Variants in TYW1B observed in about 807,000 individuals in gnomAD.
TYW1B encodes tRNA-yW synthesizing protein 1 homolog B.
TYW1B carries 73 observed loss-of-function variants against 86.9 expected under a neutral mutation model. That is an observed-to-expected ratio of 0.84 (90% CI 0.70 to 1.02). TYW1B has a LOEUF of 1.02. Among genes scored for constraint, TYW1B ranks in the 50% least tolerant of loss-of-function variants. TYW1B has a pLI of 0.00. For missense variants in TYW1B, 637 were observed against 827.4 expected (o/e 0.77, Z 2.82); for synonymous variants, 248 against 292.8 (o/e 0.85, Z 1.56).
intron 12 of TYW1B, among the ~76,000 whole-genome samples, chr7:72,623,643 C>T (rs1467091781): frequency 1.3e-5 from 2 of 152,120 alleles, no homozygotes; most frequent in South Asian, 2.1e-4. Context: ...GTCTCCCTTA[C>T]AGCCCTGACA....
chr7:72,643,478 T>C (rs1283150251), intron 11 of TYW1B, among the ~76,000 whole-genome samples: 2 of 151,886 alleles, frequency 1.3e-5, no homozygotes, highest in Non-Finnish European at 2.9e-5. Flanking sequence ...TCCCAGCTAC[T>C]CGGGAGGCTG....
At chr7:72,754,490 G>A (rs919371076) in intron 7 of TYW1B, among the ~76,000 whole-genome samples, 6 of 151,902 alleles carry the variant, frequency 3.9e-5, no homozygotes, top group African/African-American at 1.5e-4. Flanking sequence ...AGGCTGGAAT[G>A]CAGTGATGCA....
intron 2 of TYW1B, among the ~76,000 whole-genome samples, chr7:72,821,680 T>C (rs1481148339): frequency 6.6e-6 from 1 of 152,148 alleles, no homozygotes; most frequent in Non-Finnish European, 1.5e-5. Flanking sequence ...ACTGAATCTA[T>C]TCTTAAAGTA....
chr7:72,758,056 A>G (rs1554466541), intron 7 of TYW1B, among the ~76,000 whole-genome samples: 2 of 152,140 alleles, frequency 1.3e-5, no homozygotes, highest in African/African-American at 4.8e-5. Context: ...CATCTCTACT[A>G]AAAATACAAA....
At chr7:72,701,076 A>T (rs1233820328) in intron 10 of TYW1B, among the ~76,000 whole-genome samples, 2 of 152,026 alleles carry the variant, frequency 1.3e-5, no homozygotes, top group African/African-American at 4.8e-5. Flanking sequence ...AAAAAAAAAA[A>T]AAGAAAAGAA....
At chr7:72,823,272 G>A (rs1788865282) in intron 2 of TYW1B, 1 of 150,844 alleles carries the variant, frequency 6.6e-6, no homozygotes. Flanking sequence ...GCCTCCCAAA[G>A]TGCTGAGATT....
chr7:72,578,845 C>A (rs1160222062), intron 13 of TYW1B, among the ~76,000 whole-genome samples: 2 of 152,078 alleles, frequency 1.3e-5, no homozygotes, highest in Non-Finnish European at 2.9e-5. Context: ...TTTCGGGATC[C>A]CAGTGTTGCT....
chr7:72,742,990 C>G (rs1289171663), intron 8 of TYW1B, among the ~76,000 whole-genome samples: 1 of 152,030 alleles, frequency 6.6e-6, no homozygotes, highest in Non-Finnish European at 1.5e-5. Flanking sequence ...CTAGTCTGGG[C>G]CATTAGATGG....
chr7:72,594,852 T>C (rs1169789341), intron 13 of TYW1B, among the ~76,000 whole-genome samples: 4 of 152,190 alleles, frequency 2.6e-5, no homozygotes, highest in Non-Finnish European at 4.4e-5. Context: ...CCATGTAATA[T>C]ACCACATTAA....
intron 10 of TYW1B, among the ~76,000 whole-genome samples, chr7:72,707,379 G>A (rs1814638634): frequency 6.6e-6 from 1 of 152,232 alleles, no homozygotes; most frequent in South Asian, 2.1e-4. Flanking sequence ...AGTCACCCAA[G>A]ACCAAAAGAC....
chr7:72,826,958 G>A lies in TYW1B; in HGVS notation c.32C>T (p.Ser11Phe), dbSNP rs782367455. The change falls in exon 2 of 14, where the codon TCC becomes TTC. Residue 11 changes from serine to phenylalanine, a missense_variant. By Grantham distance (155) the Ser-to-Phe change is radical (BLOSUM62 -2). Transcript: ENST00000620995. ...TATCCATAATGATATTAAAGGTGAGGAGAGGTCCCATGTATCCGCAGAAGG... is the reference window on the plus strand; with the variant it reads ...TATCCATAATGATATTAAAGGTGAGAAGAGGTCCCATGTATCCGCAGAAGG... The part of the protein sequence containing the change: MDPSADTWDL[S>F]SPLISLWINR... 1.9e-6 allele frequency: 3 copies of A among 1,612,820 alleles called. No homozygotes were observed. The highest frequency in any genetic ancestry group is 2.2e-5 in the South Asian group (2 of 90,780).
At chr7:72,704,753 T>C (rs1461294200) in intron 10 of TYW1B, among the ~76,000 whole-genome samples, 7 of 152,150 alleles carry the variant, frequency 4.6e-5, no homozygotes, top group African/African-American at 9.7e-5. Context: ...TTATTATTAT[T>C]ATCATTTTAC....
intron 11 of TYW1B, among the ~76,000 whole-genome samples, chr7:72,637,701 A>C (rs1424266279): frequency 9.9e-5 from 15 of 151,884 alleles, no homozygotes; most frequent in Admixed American, 9.8e-4. Flanking sequence ...TAAAAAAAAA[A>C]AAAAACATTG....
chr7:72,679,664 T>A (rs1167341626), intron 11 of TYW1B, among the ~76,000 whole-genome samples: 2 of 152,152 alleles, frequency 1.3e-5, no homozygotes, highest in Non-Finnish European at 2.9e-5. Context: ...ACCACTGAAC[T>A]GAATACTTTA....
intron 10 of TYW1B, among the ~76,000 whole-genome samples, chr7:72,701,973 C>A (rs1323451332): frequency 1.3e-5 from 2 of 152,218 alleles, no homozygotes; most frequent in Non-Finnish European, 2.9e-5. Flanking sequence ...CTTCTCAAGT[C>A]TTCTCTGGCA....
chr7:72,693,668 T>G lies in TYW1B; in HGVS notation c.1506+1019A>C, dbSNP rs576420640. On this transcript the variant is annotated intron_variant, in intron 11 of 13. Coordinates refer to ENST00000620995, the MANE Select transcript of TYW1B (RefSeq NM_001145440.3). ...CCTTGGCCTCTCAAAGTGCTGGGAT[T>G]ACAGGTGTGAGCTACCACACCTGGC... Among the ~76,000 whole-genome samples, 20 of 152,162 alleles carry G rather than the reference T, an allele frequency of 1.3e-4. 1 individual carries two copies. The South Asian group carries it at 2.5e-3, about 19-fold the overall frequency.
chr7:72,574,607 T>G lies in TYW1B; in HGVS notation c.*891A>C, dbSNP rs552701583. ...AAAACAATTTTGAGTATTTATGATC[T>G]TTCCAACTTGAAAACACCTGAACCT... On this transcript the variant is annotated 3_prime_UTR_variant, in exon 14 of 14. Coordinates refer to ENST00000620995, the MANE Select transcript of TYW1B (RefSeq NM_001145440.3). 141 of 985,446 alleles carry G rather than the reference T, an allele frequency of 1.4e-4. No homozygotes were observed. In the South Asian group the frequency reaches 2.8e-3, roughly 20 times the overall value. The allele number at this position is 985,446 out of a possible 1,614,324, so 61.0% of individuals were successfully genotyped here.
chr7:72,606,777 G>A (rs3015877), intron 13 of TYW1B, among the ~76,000 whole-genome samples: 22,938 of 151,642 alleles, frequency 0.15, 2,439 homozygotes, highest in East Asian at 0.55. Context: ...GTCAATAGAA[G>A]CTGAGAGGGG....
intron 11 of TYW1B, among the ~76,000 whole-genome samples, chr7:72,686,493 T>G (rs1335772627): frequency 6.6e-6 from 1 of 152,180 alleles, no homozygotes; most frequent in Non-Finnish European, 1.5e-5. Flanking sequence ...TATGACATTC[T>G]GGAAAAGGCA....
Sources: allele counts gnomAD v4.1 joint callset (sites outside exome capture counted in the v4.1 genomes callset), GRCh38; gene constraint gnomAD v4.1.1; transcripts MANE v1.5; gene names NCBI Gene and HGNC (gene_info 2026-07-23, HGNC 2026-07-21).